SDK1: variants seen among roughly 807,000 people sequenced by gnomAD.
SDK1 encodes protein sidekick-1.
SDK1 carries 157 observed loss-of-function variants against 245.5 expected under a neutral mutation model. The ratio of observed to expected loss-of-function variants is 0.64; its 90% confidence interval spans 0.56 to 0.73. The LOEUF (loss-of-function observed/expected upper bound fraction) is 0.73, where lower values mean the gene tolerates loss of function less well. SDK1 is among the 30% of genes least tolerant of loss of function. SDK1 has a pLI of 0.00. For synonymous variants in SDK1, 1,647 were observed against 1,278.5 expected, an observed-to-expected ratio of 1.29 and a Z score of -6.15; for missense variants, 3,583 against 3,002.3, an observed-to-expected ratio of 1.19 and a Z score of -4.52.
At chr7:3,345,584 T>A (rs1350868017) in intron 1 of SDK1, among the ~76,000 whole-genome samples, 1 of 151,392 alleles carries the variant, frequency 6.6e-6, no homozygotes, top group Non-Finnish European at 1.5e-5. Flanking sequence ...CAGGAAATTA[T>A]TTCTGATTTG....
intron 4 of SDK1, among the ~76,000 whole-genome samples, chr7:3,712,220 C>T (rs770860723): frequency 2.0e-5 from 3 of 152,108 alleles, no homozygotes; most frequent in South Asian, 2.1e-4. Context: ...TGCCTGAGCC[C>T]CACCTCCTGT....
At chr7:4,236,506 A>C (rs1786178248) in intron 41 of SDK1, among the ~76,000 whole-genome samples, 1 of 152,116 alleles carries the variant, frequency 6.6e-6, no homozygotes, top group Non-Finnish European at 1.5e-5. Flanking sequence ...CCCAGGCTTT[A>C]GGGGTCTGTG....
chr7:3,637,396 C>T (rs1463591799), intron 2 of SDK1, among the ~76,000 whole-genome samples: 1 of 152,206 alleles, frequency 6.6e-6, no homozygotes. Context: ...CACGTCTGGC[C>T]TCTCCTGTAT....
intron 1 of SDK1, among the ~76,000 whole-genome samples, chr7:3,553,134 C>A (rs1050183433): frequency 3.9e-5 from 6 of 151,986 alleles, no homozygotes; most frequent in African/African-American, 1.2e-4. Context: ...TTTCATAAAA[C>A]TTAATTATTG....
At chr7:3,891,317 C>T (rs1781453079) in intron 5 of SDK1, among the ~76,000 whole-genome samples, 1 of 152,112 alleles carries the variant, frequency 6.6e-6, no homozygotes, top group African/African-American at 2.4e-5. Context: ...CTGAATCTGC[C>T]CTCTGCCAGG....
chr7:3,684,050 G>C (rs764607286), intron 4 of SDK1, among the ~76,000 whole-genome samples: 1 of 152,158 alleles, frequency 6.6e-6, no homozygotes, highest in Non-Finnish European at 1.5e-5. Context: ...CAAGCGTTCA[G>C]GTGCTCAAGT....
At chr7:4,264,880 G>A (rs996966499) in intron 44 of SDK1, among the ~76,000 whole-genome samples, 4 of 152,162 alleles carry the variant, frequency 2.6e-5, no homozygotes, top group Admixed American at 2.0e-4. Context: ...TACAGAGTGA[G>A]GGGCTGGATG....
At chr7:3,576,039 A>G (rs1002973013) in intron 1 of SDK1, among the ~76,000 whole-genome samples, 2 of 152,084 alleles carry the variant, frequency 1.3e-5, no homozygotes, top group African/African-American at 4.8e-5. Context: ...TAAAGAAACA[A>G]GAAAAGGGAA....
intron 1 of SDK1, among the ~76,000 whole-genome samples, chr7:3,387,379 G>C (rs1451175481): frequency 6.6e-6 from 1 of 152,124 alleles, no homozygotes; most frequent in Non-Finnish European, 1.5e-5. Context: ...CCACCTCCTT[G>C]TAGGAGCTCA....
chr7:3,833,455 C>A (rs923785890), intron 5 of SDK1, among the ~76,000 whole-genome samples: 24 of 152,144 alleles, frequency 1.6e-4, no homozygotes, highest in Non-Finnish European at 5.9e-5. Flanking sequence ...GTTTTCAGCA[C>A]AAGTGTACTC....
At chr7:4,123,284 T>A (rs1784184153) in intron 25 of SDK1, among the ~76,000 whole-genome samples, 1 of 152,240 alleles carries the variant, frequency 6.6e-6, no homozygotes, top group Non-Finnish European at 1.5e-5. Flanking sequence ...GTGTTTGGTG[T>A]TCTTACCTTA....
chr7:4,175,033 C>T (rs371738108), intron 33 of SDK1, among the ~76,000 whole-genome samples: 5 of 152,350 alleles, frequency 3.3e-5, no homozygotes, highest in Non-Finnish European at 5.9e-5. Context: ...GCCGTGTGGA[C>T]GGTGCCCTCC....
intron 1 of SDK1, among the ~76,000 whole-genome samples, chr7:3,562,888 G>GGAAGCAAATACTTAAATATGTAGA (rs11276131): frequency 6.6e-6 from 1 of 151,672 alleles, no homozygotes; most frequent in Non-Finnish European, 1.5e-5. Flanking sequence ...AAATATGAAG[G>GGAAGCAAATACTTAAATATGTAGA]GAAGCAAATA....
chr7:4,232,403 TTTTCTTTC>T (rs1239031754), intron 40 of SDK1, among the ~76,000 whole-genome samples: 421 of 107,054 alleles, frequency 3.9e-3, no homozygotes, highest in African/African-American at 0.015. Context: ...TTTTCTTTTC[TTTTCTTTC>T]TTTTTTTTTT....
chr7:3,946,996 G>A (rs984525572), intron 5 of SDK1, among the ~76,000 whole-genome samples: 2 of 152,148 alleles, frequency 1.3e-5, no homozygotes, highest in Non-Finnish European at 2.9e-5. Flanking sequence ...GCTAGTTCTT[G>A]ATTTGCCAAT....
chr7:3,428,630 A>G (rs1481220756), intron 1 of SDK1, among the ~76,000 whole-genome samples: 2 of 152,150 alleles, frequency 1.3e-5, no homozygotes, highest in Admixed American at 6.5e-5. Flanking sequence ...CCCTATAGGA[A>G]CTCTGTCTGT....
chr7:4,184,484 G>A (rs934439114), intron 35 of SDK1, among the ~76,000 whole-genome samples: 10 of 152,150 alleles, frequency 6.6e-5, no homozygotes, highest in Admixed American at 3.3e-4. Flanking sequence ...TACCTGGCCC[G>A]GGGTCAGCCC....
At chr7:3,725,407 G>C (rs1036013681) in intron 4 of SDK1, among the ~76,000 whole-genome samples, 1 of 152,142 alleles carries the variant, frequency 6.6e-6, no homozygotes, top group Non-Finnish European at 1.5e-5. Flanking sequence ...TCCTCTGGCT[G>C]TTCGCCTTGC....
At chr7:3,788,485 C>T (rs1780977728) in intron 4 of SDK1, among the ~76,000 whole-genome samples, 2 of 152,060 alleles carry the variant, frequency 1.3e-5, no homozygotes, top group Admixed American at 6.5e-5. Context: ...GAATTATCTC[C>T]CGAAGGCAAA....
Sources: allele counts gnomAD v4.1 joint callset (sites outside exome capture counted in the v4.1 genomes callset), GRCh38; gene constraint gnomAD v4.1.1; transcripts MANE v1.5; gene names NCBI Gene and HGNC (gene_info 2026-07-23, HGNC 2026-07-21).